Variants in LPAR1 observed in about 807,000 individuals in gnomAD.
The protein encoded by LPAR1 is LPA receptor 1.
Under a neutral mutation model 23.8 loss-of-function variants are expected in LPAR1, and 5 were observed. The ratio of observed to expected loss-of-function variants is 0.21; its 90% confidence interval spans 0.11 to 0.44. LPAR1 has a LOEUF of 0.44. LPAR1 is among the 20% of genes least tolerant of loss of function. The pLI, the probability that LPAR1 is intolerant of heterozygous loss-of-function variation, is 0.99. For synonymous variants in LPAR1, 160 were observed against 164.7 expected (o/e 0.97, Z 0.22); for missense variants, 311 against 482.8 (o/e 0.64, Z 3.33).
intron 5 of LPAR1, among the ~76,000 whole-genome samples, chr9:110,895,673 G>C (rs1034565557): frequency 6.6e-6 from 1 of 152,152 alleles, no homozygotes; most frequent in Non-Finnish European, 1.5e-5. Context: ...CACTGACTGG[G>C]GGGTGTTCGG....
At chr9:110,892,671 G>A (rs571489057) in intron 5 of LPAR1, among the ~76,000 whole-genome samples, 10 of 145,664 alleles carry the variant, frequency 6.9e-5, no homozygotes, top group East Asian at 2.1e-4. Flanking sequence ...GAAAGAAAGA[G>A]AGAGAGAGGG....
chr9:110,996,315 C>T (rs1039229794), intron 2 of LPAR1, among the ~76,000 whole-genome samples: 1 of 152,022 alleles, frequency 6.6e-6, no homozygotes, highest in Non-Finnish European at 1.5e-5. Flanking sequence ...CCAACACTCT[C>T]CGAGGCCAAG....
At chr9:111,008,780 A>C (rs995707225) in intron 2 of LPAR1, among the ~76,000 whole-genome samples, 2 of 152,172 alleles carry the variant, frequency 1.3e-5, no homozygotes, top group African/African-American at 2.4e-5. Flanking sequence ...GTAGCCACCC[A>C]AAAACCTCAA....
intron 4 of LPAR1, among the ~76,000 whole-genome samples, chr9:110,961,095 TC>T (rs1339661074): frequency 6.6e-6 from 1 of 151,874 alleles, no homozygotes; most frequent in Non-Finnish European, 1.5e-5. Context: ...ACAGCTTATC[TC>T]TATAAACTAT....
intron 2 of LPAR1, among the ~76,000 whole-genome samples, chr9:110,982,984 A>G (rs905001778): frequency 6.6e-6 from 1 of 151,970 alleles, no homozygotes; most frequent in East Asian, 1.9e-4. Context: ...TCTGACACCC[A>G]TTAAGATAGC....
At chr9:110,999,767 G>A (rs559982653) in intron 2 of LPAR1, among the ~76,000 whole-genome samples, 18 of 152,172 alleles carry the variant, frequency 1.2e-4, no homozygotes, top group South Asian at 8.3e-4. Context: ...CTGGAGTGGC[G>A]CGATCTACCT....
At chr9:110,993,532 G>A (rs1588733926) in intron 2 of LPAR1, among the ~76,000 whole-genome samples, 1 of 152,232 alleles carries the variant, frequency 6.6e-6, no homozygotes, top group East Asian at 1.9e-4. Flanking sequence ...GTAGCCCAGA[G>A]TTTGTGTCAA....
chr9:111,020,728 T>C (rs1371122244), intron 2 of LPAR1, among the ~76,000 whole-genome samples: 3 of 152,136 alleles, frequency 2.0e-5, no homozygotes, highest in African/African-American at 4.8e-5. Flanking sequence ...TTGCCAAACA[T>C]TGCCTGTGCC....
intron 5 of LPAR1, among the ~76,000 whole-genome samples, chr9:110,899,691 A>G (rs1234757469): frequency 6.6e-6 from 1 of 152,212 alleles, no homozygotes; most frequent in South Asian, 2.1e-4. Context: ...GGACCTGAGA[A>G]TCAGCATTTC....
intron 5 of LPAR1, among the ~76,000 whole-genome samples, chr9:110,918,429 C>A (rs1364437552): frequency 6.6e-6 from 1 of 152,124 alleles, no homozygotes; most frequent in African/African-American, 2.4e-5. Flanking sequence ...ACCCACAGGC[C>A]ATTCTGCAGA....
intron 5 of LPAR1, among the ~76,000 whole-genome samples, chr9:110,901,674 G>C (rs926121172): frequency 6.6e-6 from 1 of 152,130 alleles, no homozygotes; most frequent in Non-Finnish European, 1.5e-5. Flanking sequence ...TGACATGTGG[G>C]AATTGTGGCA....
chr9:110,970,300 C>A, intron 4 of LPAR1, among the ~76,000 whole-genome samples: 1 of 152,172 alleles, frequency 6.6e-6, no homozygotes. Flanking sequence ...ATGGGAACAG[C>A]TGCAGTGGAC....
intron 2 of LPAR1, among the ~76,000 whole-genome samples, chr9:110,997,065 T>C (rs1459543016): frequency 6.6e-6 from 1 of 152,224 alleles, no homozygotes; most frequent in Non-Finnish European, 1.5e-5. Context: ...CTACTGCCTA[T>C]GTCAGTGCCT....
intron 1 of LPAR1, among the ~76,000 whole-genome samples, 192 bp from the exon 2 acceptor site, chr9:111,036,393 A>AG (rs2097895846): frequency 1.3e-5 from 2 of 150,902 alleles, no homozygotes; most frequent in East Asian, 3.9e-4. Flanking sequence ...AAAAAAAAAA[A>AG]GAGGAAATGA....
intron 2 of LPAR1, among the ~76,000 whole-genome samples, chr9:111,020,677 GCAT>G (rs1311755803): frequency 1.3e-5 from 2 of 152,064 alleles, no homozygotes; most frequent in Non-Finnish European, 2.9e-5. Flanking sequence ...TCTAGTACTA[GCAT>G]TGAGCACCTG....
chr9:110,889,445 T>C (rs1343604765), intron 5 of LPAR1, among the ~76,000 whole-genome samples: 1 of 152,180 alleles, frequency 6.6e-6, no homozygotes, highest in Non-Finnish European at 1.5e-5. Flanking sequence ...ATATACTCAG[T>C]GTGTATATGT....
At chr9:110,992,977 G>A (rs1006386141) in intron 2 of LPAR1, among the ~76,000 whole-genome samples, 1 of 152,040 alleles carries the variant, frequency 6.6e-6, no homozygotes, top group Non-Finnish European at 1.5e-5. Context: ...AATATATGTA[G>A]TCTATGTTAT....
chr9:110,909,170 G>A (rs1023233828), intron 5 of LPAR1, among the ~76,000 whole-genome samples: 3 of 152,110 alleles, frequency 2.0e-5, no homozygotes, highest in Admixed American at 2.0e-4. Flanking sequence ...TCAGGGAGAT[G>A]GATTTGAGTC....
At chr9:110,926,734 CT>C (rs2094066631) in intron 5 of LPAR1, among the ~76,000 whole-genome samples, 1 of 152,004 alleles carries the variant, frequency 6.6e-6, no homozygotes, top group Non-Finnish European at 1.5e-5. Flanking sequence ...TTCCTTTTCC[CT>C]TCTGATCCTC....
Sources: gnomAD v4.1 joint callset for allele counts (sites outside exome capture counted in the v4.1 genomes callset) on GRCh38, gnomAD v4.1.1 for gene constraint, MANE v1.5 for transcripts, NCBI Gene and HGNC (gene_info 2026-07-23, HGNC 2026-07-21) for gene names.